The following DRGX variants were observed in gnomAD, a reference collection of about 807,000 sequenced individuals.
DRGX encodes the protein dorsal root ganglia homeobox protein.
DRGX carries 21 observed loss-of-function variants against 28.6 expected under a neutral mutation model. That is an observed-to-expected ratio of 0.73 (90% CI 0.52 to 1.06). The LOEUF (loss-of-function observed/expected upper bound fraction) is 1.06. Among genes scored for constraint, DRGX ranks in the 50% least tolerant of loss-of-function variants. The pLI is 0.00. For missense variants in DRGX, 354 were observed against 343.9 expected (o/e 1.03, Z -0.23); for synonymous variants, 136 against 139.1 (o/e 0.98, Z 0.16).
chr10:49,395,726 C>G lies in DRGX; in HGVS notation c.-81-205G>C, dbSNP rs528524252. On this transcript the variant is annotated intron_variant, in intron 1 of 6. Coordinates refer to ENST00000374139, the MANE Select transcript of DRGX (RefSeq NM_001276451.2). ...CGGGTGTGTCCACCTCCCGGACGGC[C>G]GTGCCCTCACCCTGGCCCCAGCACC... is the stretch of plus-strand genomic sequence containing the variant. 1.5e-3 allele frequency among the ~76,000 whole-genome samples: 232 copies of G among 152,310 alleles called. 1 individual carries two copies. In the Middle Eastern group the frequency reaches 0.02, roughly 13 times the overall value.
chr10:49,386,459 C>A lies in DRGX; in HGVS notation c.526+19G>T. The A allele has an allele frequency of 2.0e-6, 3 of 1,524,392 alleles. No homozygotes were observed. Among genetic ancestry groups the A allele is most frequent in the South Asian group, 1.3e-5 (1 of 78,968 alleles). The allele number at this position is 1,524,392 out of a possible 1,614,324, so 94.4% of individuals were successfully genotyped here. On this transcript the variant is annotated intron_variant, in intron 6 of 6. Transcript: ENST00000374139. ...CCCCATGAGGCCACGCCCACCAGCCCAGCCGAACCCAAACTCACCTTTGAG... is the reference window on the plus strand; with the variant it reads ...CCCCATGAGGCCACGCCCACCAGCCAAGCCGAACCCAAACTCACCTTTGAG...
In DRGX at chr10:49,390,141, T is replaced by G; in HGVS notation, c.226A>C (p.Arg76=). 1 of 1,610,696 alleles carries G rather than the reference T, an allele frequency of 6.2e-7. No individual in the cohort carries two copies. ...TTAAAAAGAAGGTTTACCTGCACTC[T>G]GGCTTCTGTGAGGTTTATTTTCATG... The part of the protein sequence containing the change: ...LAMKINLTEA[R]VQVWFQNRRA... The change falls in exon 4 of 7, where the codon AGA becomes CGA. Residue 76 remains arginine, a synonymous_variant. Coordinates refer to ENST00000374139, the MANE Select transcript of DRGX (RefSeq NM_001276451.2).
intron 6 of DRGX, among the ~76,000 whole-genome samples, chr10:49,378,857 ATG>A (rs537605318): frequency 2.2e-4 from 34 of 152,268 alleles, no homozygotes; most frequent in African/African-American, 4.8e-4. Context: ...CTCCATGTAT[ATG>A]TGTGTGTGTA....
chr10:49,394,599 A>T (rs762591177), intron 2 of DRGX, among the ~76,000 whole-genome samples: 20 of 152,078 alleles, frequency 1.3e-4, no homozygotes, highest in Non-Finnish European at 2.2e-4. Context: ...TGATGTGAAG[A>T]CCCCATCCTT....
chr10:49,392,054 G>A (rs1276095929), intron 2 of DRGX, among the ~76,000 whole-genome samples: 5 of 152,212 alleles, frequency 3.3e-5, no homozygotes, highest in South Asian at 2.1e-4. Context: ...TTCCAAGCTC[G>A]TTATAAACGC....
At chr10:49,389,567 G>C (rs936734860) in intron 4 of DRGX, among the ~76,000 whole-genome samples, 2 of 152,138 alleles carry the variant, frequency 1.3e-5, no homozygotes, top group African/African-American at 2.4e-5. Flanking sequence ...CAGAAATCCT[G>C]TTTAGAGACG....
Position 49,376,135 on chromosome 10 carries a change from C to T in DRGX, c.527-9754G>A, listed in dbSNP as rs73309901. 3.1e-3 allele frequency among the ~76,000 whole-genome samples: 479 copies of T among 152,284 alleles called. 2 individuals carry two copies. Among genetic ancestry groups the T allele is most frequent in the African/African-American group, 0.011 (465 of 41,534 alleles). On this transcript the variant is annotated intron_variant, in intron 6 of 6. Coordinates refer to ENST00000374139, the MANE Select transcript of DRGX (RefSeq NM_001276451.2). ...AATTGTTGTGCCTCTGACATTCATG[C>T]TATGTGACCTTGGACAGTTCTATCT...
At chr10:49,374,801 G>T (rs1347895701) in intron 6 of DRGX, among the ~76,000 whole-genome samples, 1 of 152,194 alleles carries the variant, frequency 6.6e-6, no homozygotes. Flanking sequence ...CATCATTAAG[G>T]TATGTAGACT....
chr10:49,388,428 C>T (rs994278802), intron 4 of DRGX, among the ~76,000 whole-genome samples: 4 of 152,274 alleles, frequency 2.6e-5, no homozygotes, highest in Admixed American at 1.3e-4. Flanking sequence ...CTGGCCCACC[C>T]TATCTCTTAA....
intron 2 of DRGX, among the ~76,000 whole-genome samples, chr10:49,395,205 G>A (rs1849952913): frequency 6.6e-6 from 1 of 152,176 alleles, no homozygotes; most frequent in Admixed American, 6.5e-5. Flanking sequence ...AGGGAGCTGG[G>A]AGGCAGGTGG....
In DRGX at chr10:49,395,441, C is replaced by A; in HGVS notation, c.-1G>T. The A allele has an allele frequency of 1.3e-6, 2 of 1,550,256 alleles. No homozygotes were observed. The highest frequency in any genetic ancestry group is 1.7e-6 in the Non-Finnish European group (2 of 1,146,898). On this transcript the variant is annotated 5_prime_UTR_variant, in exon 2 of 7. Coordinates refer to ENST00000374139, the MANE Select transcript of DRGX (RefSeq NM_001276451.2). ...GTGGCGGGCAGTGGAAATAAAACAT[C>A]GCCGGCTGTCAGATCGGCTGGACGG...
chr10:49,390,073 T>C, intron 4 of DRGX, 60 bp downstream of exon 4: 1 of 1,509,208 alleles, frequency 6.6e-7, no homozygotes, highest in Non-Finnish European at 8.9e-7. Flanking sequence ...AGTCATGATG[T>C]CAAAAAAAAG....
rs1190986677 is a variant in DRGX at position 49,391,155 on chromosome 10, C to T, written c.132+9G>A. On this transcript the variant is annotated intron_variant, in intron 3 of 6. Coordinates refer to ENST00000374139, the MANE Select transcript of DRGX (RefSeq NM_001276451.2). ...AGCTGATGTTTGAAAGGAGAATCAA[C>T]GTTGGTACCTGCTGAAGAGTGAACG... The T allele has an allele frequency of 3.1e-6, 5 of 1,613,342 alleles. No individual in the cohort carries two copies. The highest frequency in any genetic ancestry group is 2.2e-5 in the East Asian group (1 of 44,886).
intron 6 of DRGX, among the ~76,000 whole-genome samples, chr10:49,377,087 A>G (rs973161395): frequency 3.9e-5 from 6 of 152,204 alleles, no homozygotes; most frequent in African/African-American, 1.2e-4. Context: ...GAGAGCCTCG[A>G]GGTCTCTGGA....
chr10:49,391,291 A>G (rs753387718), intron 2 of DRGX, 30 bp from the exon 3 acceptor site: 2 of 1,598,186 alleles, frequency 1.3e-6, no homozygotes, highest in Admixed American at 3.4e-5. Context: ...CAACCTGGGC[A>G]GGAAGGGGCC....
At chr10:49,383,672 G>A (rs544981886) in intron 6 of DRGX, among the ~76,000 whole-genome samples, 1 of 152,306 alleles carries the variant, frequency 6.6e-6, no homozygotes, top group South Asian at 2.1e-4. Flanking sequence ...GTAGGACATC[G>A]GCCATGAGGG....
intron 6 of DRGX, among the ~76,000 whole-genome samples, chr10:49,371,695 G>A (rs1849660795): frequency 6.6e-6 from 1 of 151,014 alleles, no homozygotes; most frequent in Non-Finnish European, 1.5e-5. Context: ...CGGAGGCTAA[G>A]GTAGGAGAAT....
Position 49,366,244 on chromosome 10 carries a change from G to A in DRGX, c.664C>T (p.Gln222Ter), listed in dbSNP as rs1469064427. The change falls in exon 7 of 7, where the codon CAG becomes TAG. Residue 222 changes from glutamine (Q) to a stop codon, truncating the protein, a stop_gained. Coordinates refer to ENST00000374139, the MANE Select transcript of DRGX (RefSeq NM_001276451.2). LOFTEE classifies it high-confidence loss of function. ...KAREHSEAVL[Q>*]SANLLPSTSS... is the part of the protein sequence containing the mutation. ...GTGGAAGGCAGGAGGTTGGCTGACT[G>A]CAGGACAGCTTCTGAGTGCTCGCGG... is the stretch of plus-strand genomic sequence containing the variant. 6.2e-7 allele frequency: 1 copy of A among 1,613,964 alleles called. No individual in the cohort carries two copies. The highest frequency in any genetic ancestry group is 1.7e-5 in the Admixed American group (1 of 60,032).
intron 6 of DRGX, among the ~76,000 whole-genome samples, chr10:49,368,280 G>A (rs1000184475): frequency 3.3e-5 from 5 of 152,214 alleles, no homozygotes; most frequent in Non-Finnish European, 5.9e-5. Context: ...TATTGTAATG[G>A]GAGGTTTAAA....
Sources: gnomAD v4.1 joint callset for allele counts (sites outside exome capture counted in the v4.1 genomes callset) on GRCh38, gnomAD v4.1.1 for gene constraint, MANE v1.5 for transcripts, NCBI Gene and HGNC (gene_info 2026-07-23, HGNC 2026-07-21) for gene names.